Variants in LPP observed in about 807,000 individuals in gnomAD.
LPP encodes the protein LIM domain containing preferred translocation partner in lipoma.
In LPP, 38 loss-of-function variants were observed where a neutral mutation model predicts 60.4. The observed-to-expected ratio is 0.63, with a 90% confidence interval of 0.49 to 0.83. The LOEUF (loss-of-function observed/expected upper bound fraction) is 0.83, where lower values mean the gene tolerates loss of function less well. Among genes scored for constraint, LPP ranks in the 40% least tolerant of loss-of-function variants. The pLI is 0.00. For synonymous variants in LPP, 328 were observed against 290.8 expected (o/e 1.13, Z -1.30); for missense variants, 902 against 783.6 (o/e 1.15, Z -1.80).
intron 4 of LPP, among the ~76,000 whole-genome samples, chr3:188,467,304 A>T (rs1007600767): frequency 1.3e-4 from 20 of 152,236 alleles, no homozygotes; most frequent in Non-Finnish European, 2.4e-4. Context: ...TAAATTTTTT[A>T]AAAATATGCT....
At position 188,609,399 on chromosome 3, in the gene LPP, T is replaced by G. The variant is rs1560634101; in HGVS notation, c.668T>G (p.Val223Gly). Residue 223 changes from valine to glycine, a missense_variant, in exon 7 of 12, where the codon GTG (valine) becomes GGG (glycine). Coordinates refer to ENST00000617246, the MANE Select transcript of LPP (RefSeq NM_001375462.1). This position sits in a 1 kb window ranked among gnomAD's most constrained non-coding sequence, Gnocchi z 6.9. Reference protein sequence around the residue: ...ASTSSRPTFNVQVKSAQPSPH... With the variant: ...ASTSSRPTFNGQVKSAQPSPH... ...ACTTCTTCAAGGCCTACCTTTAATG[T>G]GCAGGTGAAGTCAGCCCAGCCCAGC... is the stretch of plus-strand genomic sequence containing the variant. 1 of 1,614,156 alleles carries G rather than the reference T, an allele frequency of 6.2e-7. No individual in the cohort carries two copies. Among genetic ancestry groups the G allele is most frequent in the African/African-American group, 1.3e-5 (1 of 75,038 alleles).
Position 188,826,161 on chromosome 3 carries a change from T to G in LPP, c.1411-40039T>G, listed in dbSNP as rs565637130. ...AGAGGACAGTCTACTTGCAAACACT[T>G]GTAGACTCTCCAGTGGACAGGTTAC... is the stretch of plus-strand genomic sequence containing the variant. On this transcript the variant is annotated intron_variant, in intron 9 of 11. Coordinates refer to ENST00000617246, the MANE Select transcript of LPP (RefSeq NM_001375462.1). Among the ~76,000 whole-genome samples the G allele has an allele frequency of 1.4e-4, 22 of 152,314 alleles. No individual in the cohort carries two copies. The South Asian group carries it at 4.6e-3, about 32-fold the overall frequency.
intron 5 of LPP, among the ~76,000 whole-genome samples, chr3:188,485,527 G>T (rs1398648062): frequency 3.3e-5 from 5 of 152,106 alleles, no homozygotes; most frequent in Admixed American, 3.3e-4. Context: ...GCCGGGCGCG[G>T]TGGCTCACGC....
intron 2 of LPP, among the ~76,000 whole-genome samples, chr3:188,255,203 C>T (rs1340080216): frequency 6.6e-6 from 1 of 152,228 alleles, no homozygotes; most frequent in African/African-American, 2.4e-5. Context: ...AATACCACAT[C>T]TGCTGAAGAC....
intron 2 of LPP, among the ~76,000 whole-genome samples, chr3:188,259,697 A>G (rs1317272973): frequency 2.0e-5 from 3 of 152,178 alleles, no homozygotes; most frequent in African/African-American, 4.8e-5. Context: ...CCCCCAGTGT[A>G]TGTGTTACTT....
intron 8 of LPP, among the ~76,000 whole-genome samples, chr3:188,729,989 C>T (rs368090545): frequency 6.6e-6 from 1 of 151,784 alleles, no homozygotes; most frequent in East Asian, 1.9e-4. Flanking sequence ...GACCCTGTCT[C>T]CAAAAAAAGA....
At chr3:188,240,331 T>A (rs553440331) in intron 2 of LPP, among the ~76,000 whole-genome samples, 2 of 149,754 alleles carry the variant, frequency 1.3e-5, no homozygotes, top group African/African-American at 5.0e-5. Context: ...GAGTCAGGAG[T>A]TTTGGGTAAG....
intron 6 of LPP, among the ~76,000 whole-genome samples, chr3:188,594,824 AAG>A (rs1379925248): frequency 6.6e-6 from 1 of 152,190 alleles, no homozygotes; most frequent in African/African-American, 2.4e-5. Context: ...AAGGAGAAAA[AAG>A]AGCAAAATAT....
At chr3:188,657,162 T>C (rs1192876107) in intron 7 of LPP, among the ~76,000 whole-genome samples, 1 of 151,278 alleles carries the variant, frequency 6.6e-6, no homozygotes, top group Non-Finnish European at 1.5e-5. Flanking sequence ...AAGGAGACTA[T>C]ATCTGAATTC....
intron 9 of LPP, among the ~76,000 whole-genome samples, chr3:188,833,604 T>C (rs1052143470): frequency 6.6e-6 from 1 of 152,198 alleles, no homozygotes; most frequent in Non-Finnish European, 1.5e-5. Context: ...TGAAGGGCTG[T>C]TAGAGCCTTG....
intron 9 of LPP, among the ~76,000 whole-genome samples, chr3:188,832,648 C>A (rs190447173): frequency 1.3e-5 from 2 of 152,318 alleles, no homozygotes; most frequent in African/African-American, 4.8e-5. Context: ...AAGCCTCCCA[C>A]CCAATAAAAG....
chr3:188,747,522 A>G (rs1726631466), intron 8 of LPP, among the ~76,000 whole-genome samples: 1 of 152,224 alleles, frequency 6.6e-6, no homozygotes. Flanking sequence ...ATGTTAACAA[A>G]GAAATTTGAG....
intron 8 of LPP, among the ~76,000 whole-genome samples, chr3:188,727,826 G>A (rs1021494967): frequency 6.6e-5 from 10 of 152,076 alleles, no homozygotes; most frequent in African/African-American, 1.4e-4. Flanking sequence ...AAGGTTATAC[G>A]GATATCAAGA....
At chr3:188,469,948 C>T (rs773860687) in intron 4 of LPP, among the ~76,000 whole-genome samples, 1 of 152,012 alleles carries the variant, frequency 6.6e-6, no homozygotes, top group Non-Finnish European at 1.5e-5. Context: ...AAGATTTATA[C>T]CATCTGAAGA....
chr3:188,751,830 G>A lies in LPP; in HGVS notation c.1241-8283G>A, dbSNP rs534733028. On this transcript the variant is annotated intron_variant, in intron 8 of 11. Transcript: ENST00000617246. ...ACTTAACACCTGGTCCATAAAAAGCGCTGAATAAATATTGACTATTATCAT... is the reference window on the plus strand; with the variant it reads ...ACTTAACACCTGGTCCATAAAAAGCACTGAATAAATATTGACTATTATCAT... Among the ~76,000 whole-genome samples, 38 of 152,234 alleles carry A rather than the reference G, an allele frequency of 2.5e-4. 1 individual carries two copies. Among genetic ancestry groups the A allele is most frequent in the South Asian group, 8.3e-4 (4 of 4,826 alleles).
At chr3:188,725,095 T>C (rs906393931) in intron 8 of LPP, among the ~76,000 whole-genome samples, 2 of 152,230 alleles carry the variant, frequency 1.3e-5, no homozygotes, top group African/African-American at 4.8e-5. Context: ...TTCTTCGACT[T>C]AGTTCCCACT....
intron 2 of LPP, among the ~76,000 whole-genome samples, chr3:188,294,981 G>C (rs961517508): frequency 1.3e-5 from 2 of 152,176 alleles, no homozygotes; most frequent in African/African-American, 4.8e-5. Context: ...CTTGTTTTGT[G>C]TTTGAGTATA....
intron 6 of LPP, among the ~76,000 whole-genome samples, chr3:188,595,508 T>A (rs901823777): frequency 1.3e-5 from 2 of 152,162 alleles, no homozygotes; most frequent in Non-Finnish European, 2.9e-5. Flanking sequence ...GGTCACCTTG[T>A]ACCATGGTCA....
intron 3 of LPP, among the ~76,000 whole-genome samples, chr3:188,348,164 G>A (rs1345370486): frequency 6.9e-6 from 1 of 145,816 alleles, no homozygotes; most frequent in Non-Finnish European, 1.5e-5. Context: ...TTTTTTTTTT[G>A]AGATGGAGTT....
Sources: gnomAD v4.1 joint callset for allele counts (sites outside exome capture counted in the v4.1 genomes callset) on GRCh38, gnomAD v4.1.1 for gene constraint, Gnocchi (gnomAD v3.1) non-coding constraint, MANE v1.5 for transcripts, NCBI Gene and HGNC (gene_info 2026-07-23, HGNC 2026-07-21) for gene names.